Variants in LRP1B observed in about 807,000 individuals in gnomAD.
The protein encoded by LRP1B is low-density lipoprotein receptor-related protein 1B.
LRP1B carries 217 observed loss-of-function variants against 556.6 expected under a neutral mutation model. The observed-to-expected ratio is 0.39, with a 90% confidence interval of 0.35 to 0.44. The LOEUF (loss-of-function observed/expected upper bound fraction) is 0.44, where lower values mean the gene tolerates loss of function less well. Among genes scored for constraint, LRP1B ranks in the 20% least tolerant of loss-of-function variants. The probability of loss-of-function intolerance (pLI) is 1.00; values close to 1 mark genes in which losing one functional copy is unlikely to be tolerated. For missense variants in LRP1B, 5,053 were observed against 5,620.8 expected (o/e 0.90, Z 3.23); for synonymous variants, 2,047 against 1,865.8 (o/e 1.10, Z -2.50).
chr2:141,692,662 C>T (rs1328036030), intron 2 of LRP1B, among the ~76,000 whole-genome samples: 1 of 151,884 alleles, frequency 6.6e-6, no homozygotes, highest in Admixed American at 6.6e-5. Context: ...TTCTGAGAAA[C>T]GTGTGCTTAG....
At chr2:141,806,223 C>T (rs1157789219) in intron 2 of LRP1B, among the ~76,000 whole-genome samples, 1 of 151,992 alleles carries the variant, frequency 6.6e-6, no homozygotes, top group Non-Finnish European at 1.5e-5. Context: ...GAAGACGTTC[C>T]TGCTACAGGT....
In LRP1B at chr2:140,334,473, T is replaced by C. The variant is rs941891420; in HGVS notation, c.12203A>G (p.Lys4068Arg). The C allele has an allele frequency of 5.6e-6, 9 of 1,610,024 alleles. No individual in the cohort carries two copies. In the East Asian group the frequency reaches 1.3e-4, roughly 24 times the overall value. The change falls in exon 79 of 91, where the codon AAG becomes AGG. Residue 4068 changes from lysine (K) to arginine (R), a missense_variant. Physicochemically the swap from Lys to Arg is conservative, Grantham distance 26. This residue lies in a region of LRP1B where 22 missense variants were observed against 53.4 expected (regional missense o/e 0.41). Transcript: ENST00000389484. ...CATACCTGTGGGTCTCTGTAAGTTC[T>C]TTTGTACTAAAATCCTTCTCAGTGT... ...DGTLRRILVQKNLQRPTGLAV... is the reference protein window; with the variant it reads ...DGTLRRILVQRNLQRPTGLAV...
intron 79 of LRP1B, among the ~76,000 whole-genome samples, chr2:140,326,889 G>GAT (rs1680516425): frequency 6.6e-6 from 1 of 151,888 alleles, no homozygotes; most frequent in African/African-American, 2.4e-5. Flanking sequence ...TTCATTTTTT[G>GAT]ATTTCATGAA....
intron 35 of LRP1B, among the ~76,000 whole-genome samples, chr2:140,743,546 T>C (rs1267598656): frequency 1.3e-5 from 2 of 152,112 alleles, no homozygotes; most frequent in Admixed American, 1.3e-4. Context: ...GGAATAATAA[T>C]AGCACCTCCT....
chr2:141,403,358 C>A (rs2104928931), intron 3 of LRP1B, among the ~76,000 whole-genome samples: 1 of 152,148 alleles, frequency 6.6e-6, no homozygotes, highest in Non-Finnish European at 1.5e-5. Context: ...CCCTGCAATT[C>A]ATTTTCCTCT....
intron 7 of LRP1B, among the ~76,000 whole-genome samples, chr2:141,139,950 T>C (rs2105052299): frequency 6.6e-6 from 1 of 151,984 alleles, no homozygotes; most frequent in East Asian, 1.9e-4. Context: ...TAAATGTCCA[T>C]CAACAGGTGT....
chr2:140,703,252 T>A (rs1036266869), intron 37 of LRP1B, among the ~76,000 whole-genome samples: 2 of 152,126 alleles, frequency 1.3e-5, no homozygotes, highest in African/African-American at 2.4e-5. Flanking sequence ...ATTTTAGTAA[T>A]CTTATAAAAC....
chr2:141,527,881 A>T (rs147912584), intron 2 of LRP1B, among the ~76,000 whole-genome samples: 2 of 152,072 alleles, frequency 1.3e-5, no homozygotes, highest in African/African-American at 4.8e-5. Flanking sequence ...TTGATGACTC[A>T]GGGCTATGAT....
chr2:141,333,808 T>A (rs1299579656), intron 3 of LRP1B, among the ~76,000 whole-genome samples: 1 of 152,200 alleles, frequency 6.6e-6, no homozygotes, highest in Non-Finnish European at 1.5e-5. Flanking sequence ...TTATTTTTTG[T>A]CATCTAAGAG....
chr2:140,301,659 C>A (rs1480322040), intron 83 of LRP1B, among the ~76,000 whole-genome samples: 1 of 151,762 alleles, frequency 6.6e-6, no homozygotes, highest in Non-Finnish European at 1.5e-5. Flanking sequence ...GGCCAGAATG[C>A]TCAATGTGAA....
At chr2:140,476,678 T>A (rs1330379110) in intron 59 of LRP1B, among the ~76,000 whole-genome samples, 2 of 152,030 alleles carry the variant, frequency 1.3e-5, no homozygotes, top group Admixed American at 1.3e-4. Context: ...ACAAAAGTTA[T>A]TTGATAGTCA....
chr2:141,905,779 G>GTC (rs1699739413), intron 1 of LRP1B, among the ~76,000 whole-genome samples: 1 of 150,418 alleles, frequency 6.6e-6, no homozygotes. Context: ...GTGTGTGTGT[G>GTC]TGTGTGTGTG....
intron 35 of LRP1B, among the ~76,000 whole-genome samples, chr2:140,733,029 A>G (rs985116312): frequency 6.6e-6 from 1 of 152,128 alleles, no homozygotes; most frequent in Non-Finnish European, 1.5e-5. Flanking sequence ...GTCTGTGTGT[A>G]TCATTTCCTC....
At chr2:141,860,174 C>T (rs1053601706) in intron 1 of LRP1B, among the ~76,000 whole-genome samples, 1 of 151,862 alleles carries the variant, frequency 6.6e-6, no homozygotes, top group Admixed American at 6.6e-5. Flanking sequence ...CTGTGGGAGT[C>T]GGAAAGAAAA....
At chr2:141,901,482 T>C (rs1429700072) in intron 1 of LRP1B, among the ~76,000 whole-genome samples, 3 of 151,990 alleles carry the variant, frequency 2.0e-5, no homozygotes, top group Admixed American at 2.0e-4. Context: ...CAATTTCTCA[T>C]GGATAATTTC....
chr2:140,901,502 T>C (rs903337523), intron 23 of LRP1B, among the ~76,000 whole-genome samples: 2 of 152,212 alleles, frequency 1.3e-5, no homozygotes, highest in Non-Finnish European at 2.9e-5. Context: ...AGGCATGTGA[T>C]GCAGAATAAT....
chr2:141,554,231 T>A (rs1685875143), intron 2 of LRP1B, among the ~76,000 whole-genome samples: 1 of 145,826 alleles, frequency 6.9e-6, no homozygotes, highest in African/African-American at 2.5e-5. Flanking sequence ...ATATAGATTA[T>A]ATATATCTAT....
chr2:140,587,756 C>T (rs953149351), intron 43 of LRP1B, among the ~76,000 whole-genome samples: 1 of 152,072 alleles, frequency 6.6e-6, no homozygotes, highest in Non-Finnish European at 1.5e-5. Context: ...CCTTGTACTC[C>T]TGAGATATAC....
chr2:140,844,115 G>T lies in LRP1B; in HGVS notation c.4940-3023C>A, dbSNP rs1441465596. On this transcript the variant is annotated intron_variant, in intron 29 of 90. Coordinates refer to ENST00000389484, the MANE Select transcript of LRP1B (RefSeq NM_018557.3). ...TCACTCTTGTTGCCCAGGCTGGAGT[G>T]CAATGGCAAGATCTCGCCTCACCAC... Among the ~76,000 whole-genome samples the T allele has an allele frequency of 3.3e-5, 5 of 151,566 alleles. 1 individual carries two copies. Among genetic ancestry groups the T allele is most frequent in the African/African-American group, 9.7e-5 (4 of 41,256 alleles).
Sources: gnomAD v4.1 joint callset for allele counts (sites outside exome capture counted in the v4.1 genomes callset) on GRCh38, gnomAD v4.1.1 for gene constraint, gnomAD v4.1.1 regional missense constraint, MANE v1.5 for transcripts, NCBI Gene and HGNC (gene_info 2026-07-23, HGNC 2026-07-21) for gene names.